The following TMEM132C variants were observed in gnomAD, a reference collection of about 807,000 sequenced individuals.
The protein encoded by TMEM132C is transmembrane protein 132C, also known as protein phosphatase 1, regulatory subunit 152.
Under a neutral mutation model 61.4 loss-of-function variants are expected in TMEM132C, and 29 were observed. The ratio of observed to expected loss-of-function variants is 0.47; its 90% CI spans 0.35 to 0.64. The LOEUF is 0.64. Among genes scored for constraint, TMEM132C ranks in the 30% least tolerant of loss-of-function variants. The pLI is 0.00. For missense variants in TMEM132C, 1,408 were observed against 1,476.9 expected (o/e 0.95, Z 0.76); for synonymous variants, 656 against 633.1 (o/e 1.04, Z -0.54).
intron 3 of TMEM132C, among the ~76,000 whole-genome samples, chr12:128,576,937 A>T (rs1875127982): frequency 6.8e-6 from 1 of 146,148 alleles, no homozygotes; most frequent in African/African-American, 2.5e-5. Flanking sequence ...TACAATTCAC[A>T]TATTTAAAAT....
At chr12:128,412,336 C>A (rs1016187691) in intron 1 of TMEM132C, among the ~76,000 whole-genome samples, 1 of 152,186 alleles carries the variant, frequency 6.6e-6, no homozygotes, top group Admixed American at 6.5e-5. Flanking sequence ...CTGGTTCTCA[C>A]CCAATCCCTG....
chr12:128,669,456 A>C lies in TMEM132C; in HGVS notation c.1345A>C (p.Thr449Pro). Residue 449 changes from threonine (T) to proline (P), a missense_variant, in exon 5 of 9, where the codon ACA becomes CCA. Transcript: ENST00000435159. Reference sequence around the variant, plus strand: ...GAACACCGCCGTACTCACAGGAAAGACAGTTGCCATGCCTATCAAGGTGGT... The same window carrying C: ...GAACACCGCCGTACTCACAGGAAAGCCAGTTGCCATGCCTATCAAGGTGGT... ...ILNTAVLTGKTVAMPIKVVSV... is the reference protein window; with the variant it reads ...ILNTAVLTGKPVAMPIKVVSV... 6.4e-7 allele frequency: 1 copy of C among 1,551,654 alleles called. No homozygotes were observed. Among genetic ancestry groups the C allele is most frequent in the Middle Eastern group, 1.7e-4 (1 of 5,992 alleles).
intron 3 of TMEM132C, among the ~76,000 whole-genome samples, chr12:128,553,089 T>C (rs963491851): frequency 6.6e-6 from 1 of 151,284 alleles, no homozygotes; most frequent in Non-Finnish European, 1.5e-5. Flanking sequence ...TGGGCCACAT[T>C]GGAAGAATTG....
intron 1 of TMEM132C, among the ~76,000 whole-genome samples, chr12:128,280,077 C>G (rs1382641587): frequency 6.6e-6 from 1 of 152,160 alleles, no homozygotes; most frequent in Non-Finnish European, 1.5e-5. Flanking sequence ...ATCTTGATAG[C>G]CCAAGATTCA....
intron 1 of TMEM132C, among the ~76,000 whole-genome samples, chr12:128,366,270 C>G (rs570977576): frequency 6.6e-6 from 1 of 152,214 alleles, no homozygotes; most frequent in South Asian, 2.1e-4. Context: ...GTCCCCTACC[C>G]GGTTTTCTAG....
At chr12:128,654,517 C>T (rs1954304641) in intron 4 of TMEM132C, among the ~76,000 whole-genome samples, 1 of 152,180 alleles carries the variant, frequency 6.6e-6, no homozygotes, top group South Asian at 2.1e-4. Context: ...CTAACAGAGG[C>T]ATACACATCA....
chr12:128,618,369 A>T (rs2135585291), intron 4 of TMEM132C, among the ~76,000 whole-genome samples: 1 of 152,294 alleles, frequency 6.6e-6, no homozygotes, highest in African/African-American at 2.4e-5. Flanking sequence ...TCTTGTCAGG[A>T]TCCTTTTGTT....
At chr12:128,520,179 T>C (rs1872851490) in intron 2 of TMEM132C, among the ~76,000 whole-genome samples, 1 of 152,184 alleles carries the variant, frequency 6.6e-6, no homozygotes, top group South Asian at 2.1e-4. Context: ...GAAGCACAGA[T>C]GTCATCTCAG....
intron 4 of TMEM132C, among the ~76,000 whole-genome samples, chr12:128,642,118 G>C (rs1954162623): frequency 6.7e-6 from 1 of 148,494 alleles, no homozygotes; most frequent in African/African-American, 2.5e-5. Context: ...CCCATTTTTT[G>C]TTTTTTTTGT....
In TMEM132C at chr12:128,405,452, G is replaced by T. The variant is rs933683130; in HGVS notation, c.86-9280G>T. On this transcript the variant is annotated intron_variant, in intron 1 of 8. Coordinates refer to ENST00000435159, the MANE Select transcript of TMEM132C (RefSeq NM_001136103.3). ...TCCTGGACATGGCGCAAAATCGCCT[G>T]TTCAACCATATGAGAAAGTGGGAAT... 3.9e-5 allele frequency among the ~76,000 whole-genome samples: 6 copies of T among 152,120 alleles called. No individual in the cohort carries two copies. In the East Asian group the frequency reaches 7.7e-4, roughly 20 times the overall value.
At chr12:128,340,089 A>C (rs1320071961) in intron 1 of TMEM132C, among the ~76,000 whole-genome samples, 1 of 152,246 alleles carries the variant, frequency 6.6e-6, no homozygotes, top group Non-Finnish European at 1.5e-5. Context: ...GGCGTCTTAA[A>C]ATGACTTTTA....
chr12:128,336,146 T>G (rs1872786640), intron 1 of TMEM132C, among the ~76,000 whole-genome samples: 1 of 152,212 alleles, frequency 6.6e-6, no homozygotes, highest in African/African-American at 2.4e-5. Context: ...GTTTAAGTGA[T>G]TTTGGTTTAA....
At chr12:128,531,738 C>G (rs1260461728) in intron 2 of TMEM132C, among the ~76,000 whole-genome samples, 1 of 152,136 alleles carries the variant, frequency 6.6e-6, no homozygotes, top group Non-Finnish European at 1.5e-5. Context: ...TTGACAGGGG[C>G]AGAAAGTCTG....
At chr12:128,352,716 A>G (rs1007053764) in intron 1 of TMEM132C, among the ~76,000 whole-genome samples, 61 of 152,268 alleles carry the variant, frequency 4.0e-4, no homozygotes, top group African/African-American at 1.2e-3. Context: ...GTAGAACCTT[A>G]ACTTTTATAA....
chr12:128,370,388 C>T (rs1397942634), intron 1 of TMEM132C, among the ~76,000 whole-genome samples: 1 of 151,984 alleles, frequency 6.6e-6, no homozygotes, highest in East Asian at 1.9e-4. Context: ...CAGAATTTAC[C>T]CAGGGTGGTC....
At chr12:128,306,377 A>G (rs187646005) in intron 1 of TMEM132C, among the ~76,000 whole-genome samples, 13 of 151,518 alleles carry the variant, frequency 8.6e-5, no homozygotes, top group Admixed American at 7.9e-4. Context: ...AATTTTTTGT[A>G]TTTTTTAGTA....
intron 1 of TMEM132C, among the ~76,000 whole-genome samples, chr12:128,286,273 A>C (rs1348689109): frequency 2.0e-5 from 3 of 152,214 alleles, no homozygotes; most frequent in Admixed American, 2.0e-4. Flanking sequence ...ACATTTCAGG[A>C]AACGACTCTG....
chr12:128,357,939 A>T (rs1313815088), intron 1 of TMEM132C, among the ~76,000 whole-genome samples: 1 of 151,788 alleles, frequency 6.6e-6, no homozygotes, highest in Non-Finnish European at 1.5e-5. Context: ...AGACACCATG[A>T]ATGGAACACA....
rs1593004717 is a variant in TMEM132C at position 128,306,014 on chromosome 12, A to C, written c.85+38527A>C. ...TAAAATCTCTGATTGTGTGCAGTTAATGAAGTCAGTCTGAGTCTATATTCA... is the reference window on the plus strand; with the variant it reads ...TAAAATCTCTGATTGTGTGCAGTTACTGAAGTCAGTCTGAGTCTATATTCA... On this transcript the variant is annotated intron_variant, in intron 1 of 8. Coordinates refer to ENST00000435159, the MANE Select transcript of TMEM132C (RefSeq NM_001136103.3). Among the ~76,000 whole-genome samples the C allele has an allele frequency of 2.6e-5, 4 of 152,278 alleles. No homozygotes were observed. The South Asian group carries it at 8.3e-4, about 32-fold the overall frequency.
Sources: gnomAD v4.1 joint callset for allele counts (sites outside exome capture counted in the v4.1 genomes callset) on GRCh38, gnomAD v4.1.1 for gene constraint, MANE v1.5 for transcripts, NCBI Gene and HGNC (gene_info 2026-07-23, HGNC 2026-07-21) for gene names.